Variants in DLEU7 observed in about 807,000 individuals in gnomAD.
DLEU7 encodes leukemia-associated protein 7.
In DLEU7, 17 loss-of-function variants were observed where a neutral mutation model predicts 16.0. That is an observed-to-expected ratio of 1.06 (90% CI 0.73 to 1.59). The LOEUF (loss-of-function observed/expected upper bound fraction) is 1.59, where lower values mean the gene tolerates loss of function less well. Among genes scored for constraint, DLEU7 ranks in the 40% most tolerant of loss-of-function variants. The pLI, the probability that DLEU7 is intolerant of heterozygous loss-of-function variation, is 0.00. For synonymous variants in DLEU7, 113 were observed against 139.8 expected, an observed-to-expected ratio of 0.81 and a Z score of 1.35; for missense variants, 308 against 314.9, an observed-to-expected ratio of 0.98 and a Z score of 0.17.
intron 1 of DLEU7, among the ~76,000 whole-genome samples, chr13:50,723,914 C>T (rs575548584): frequency 1.3e-5 from 2 of 151,962 alleles, no homozygotes; most frequent in Admixed American, 1.3e-4. Context: ...TTGAAAGTCT[C>T]CAAGATAATG....
At chr13:50,804,648 G>T (rs1049182898) in intron 1 of DLEU7, among the ~76,000 whole-genome samples, 2 of 151,956 alleles carry the variant, frequency 1.3e-5, no homozygotes, top group African/African-American at 4.8e-5. Flanking sequence ...ATTTCACCAT[G>T]TTGGTCAGGC....
intron 1 of DLEU7, among the ~76,000 whole-genome samples, chr13:50,749,074 T>C (rs1451416029): frequency 6.7e-6 from 1 of 150,342 alleles, no homozygotes; most frequent in African/African-American, 2.4e-5. Flanking sequence ...CAAAATCCAT[T>C]GTACCATTCT....
rs564044830 is a variant in DLEU7, at chr13:50,767,936, C to T, written c.460-54696G>A. Among the ~76,000 whole-genome samples, 6 of 152,342 alleles carry T rather than the reference C, an allele frequency of 3.9e-5. No homozygotes were observed. In the South Asian group the frequency reaches 6.2e-4, roughly 16 times the overall value. The stretch of plus-strand genomic sequence containing the variant: ...AGTGAGAACCATGTCAGCAGTCCCA[C>T]GGGACAAACACTTCTGCCATTCTGT... On this transcript the variant is annotated intron_variant, in intron 1 of 1. Transcript: ENST00000400393.
At chr13:50,780,547 G>A (rs1292004004) in intron 1 of DLEU7, among the ~76,000 whole-genome samples, 2 of 152,144 alleles carry the variant, frequency 1.3e-5, no homozygotes, top group Non-Finnish European at 2.9e-5. Flanking sequence ...CAATTACTAC[G>A]TTTCTGGAGA....
At chr13:50,801,861 A>G (rs2061626) in intron 1 of DLEU7, among the ~76,000 whole-genome samples, 5,333 of 152,160 alleles carry the variant, frequency 0.035, 312 homozygotes, top group African/African-American at 0.12. Flanking sequence ...ATTTATTATT[A>G]CCTTTTAAAT....
In DLEU7 at chr13:50,743,324, C is replaced by G. The variant is rs548271599; in HGVS notation, c.460-30084G>C. Among the ~76,000 whole-genome samples, 5 of 152,212 alleles carry G rather than the reference C, an allele frequency of 3.3e-5. No individual in the cohort carries two copies. The South Asian group carries it at 8.3e-4, about 25-fold the overall frequency. On this transcript the variant is annotated intron_variant, in intron 1 of 1. Transcript: ENST00000400393. ...CAGGGCATCTAAACAGAAGAGAAGG[C>G]TAGAGTGTCCCTGTGAATGTCTTTA...
chr13:50,725,142 G>GACCT (rs1873732618), intron 1 of DLEU7, among the ~76,000 whole-genome samples: 1 of 152,066 alleles, frequency 6.6e-6, no homozygotes, highest in South Asian at 2.1e-4. Context: ...TGCCAGCAGT[G>GACCT]ACCTACCTTG....
intron 1 of DLEU7, among the ~76,000 whole-genome samples, chr13:50,830,547 G>A (rs769066646): frequency 3.3e-5 from 5 of 152,136 alleles, no homozygotes; most frequent in Non-Finnish European, 7.4e-5. Flanking sequence ...ACAGCACAGG[G>A]TTCATGCAAA....
intron 1 of DLEU7, among the ~76,000 whole-genome samples, chr13:50,756,808 C>T (rs965689610): frequency 1.1e-4 from 16 of 152,288 alleles, no homozygotes; most frequent in Non-Finnish European, 1.9e-4. Context: ...TTCCCCCATA[C>T]CTCTGGCTGC....
intron 1 of DLEU7, among the ~76,000 whole-genome samples, chr13:50,827,885 G>T (rs1877143172): frequency 6.6e-6 from 1 of 152,050 alleles, no homozygotes; most frequent in Non-Finnish European, 1.5e-5. Flanking sequence ...GGTTTTATAT[G>T]CTGTTTACAA....
chr13:50,840,968 A>G (rs1877638592), intron 1 of DLEU7, among the ~76,000 whole-genome samples: 1 of 152,200 alleles, frequency 6.6e-6, no homozygotes, highest in Non-Finnish European at 1.5e-5. Context: ...AAAGTCAATT[A>G]GAAAGGGCTA....
At chr13:50,738,839 G>C (rs773568077) in intron 1 of DLEU7, among the ~76,000 whole-genome samples, 4 of 152,054 alleles carry the variant, frequency 2.6e-5, no homozygotes, top group African/African-American at 4.8e-5. Context: ...AAACTCATGC[G>C]ATGTTCATAA....
intron 1 of DLEU7, among the ~76,000 whole-genome samples, chr13:50,720,293 C>G (rs899128355): frequency 5.3e-5 from 8 of 152,220 alleles, no homozygotes; most frequent in African/African-American, 1.7e-4. Context: ...CGTGTGTTTT[C>G]ATTTTTCCTT....
chr13:50,789,567 GT>G (rs965033599), intron 1 of DLEU7, among the ~76,000 whole-genome samples: 10 of 151,704 alleles, frequency 6.6e-5, no homozygotes, highest in Non-Finnish European at 1.2e-4. Context: ...GAACACAATT[GT>G]TTTCTACAGA....
intron 1 of DLEU7, among the ~76,000 whole-genome samples, chr13:50,832,904 C>G (rs1170882000): frequency 6.6e-6 from 1 of 152,068 alleles, no homozygotes; most frequent in Admixed American, 6.6e-5. Context: ...ATATGCAAAT[C>G]AATAAATGTA....
intron 1 of DLEU7, among the ~76,000 whole-genome samples, chr13:50,743,199 AGGCT>A (rs1165346787): frequency 2.8e-5 from 4 of 143,034 alleles, no homozygotes; most frequent in Non-Finnish European, 4.7e-5. Flanking sequence ...GCAGGCAGGC[AGGCT>A]GGCTGGCTGG....
chr13:50,835,365 A>C (rs1169910199), intron 1 of DLEU7, among the ~76,000 whole-genome samples: 1 of 152,188 alleles, frequency 6.6e-6, no homozygotes, highest in Admixed American at 6.5e-5. Flanking sequence ...CTTGGAAGCA[A>C]GTGGGAGAAG....
In DLEU7 at chr13:50,837,907, G is replaced by A. The variant is rs1195658833; in HGVS notation, c.459+5281C>T. On this transcript the variant is annotated intron_variant, in intron 1 of 1. Coordinates refer to ENST00000504404, the MANE Select transcript of DLEU7 (RefSeq NM_001306135.2). ...TGTTTTCAAAGTTTGCTAATGACAA[G>A]GAAGGGAAGGATGCGAACTCATGGG... 2.0e-5 allele frequency among the ~76,000 whole-genome samples: 3 copies of A among 152,136 alleles called. No individual in the cohort carries two copies. In the East Asian group the frequency reaches 5.8e-4, roughly 29 times the overall value.
At chr13:50,755,961 A>G (rs920340535) in intron 1 of DLEU7, among the ~76,000 whole-genome samples, 1 of 152,078 alleles carries the variant, frequency 6.6e-6, no homozygotes. Context: ...TTGTGAGCCA[A>G]GCTGCAATGA....
Sources: gnomAD v4.1 joint callset for allele counts (sites outside exome capture counted in the v4.1 genomes callset) on GRCh38, gnomAD v4.1.1 for gene constraint, MANE v1.5 for transcripts, NCBI Gene and HGNC (gene_info 2026-07-23, HGNC 2026-07-21) for gene names.